Variants in ZBTB7C observed in about 807,000 individuals in gnomAD.
ZBTB7C encodes the protein zinc finger and BTB domain-containing protein 7C.
A neutral mutation model predicts 25.7 loss-of-function variants in ZBTB7C; 8 were observed. That is an observed-to-expected ratio of 0.31 (90% CI 0.18 to 0.56). The LOEUF (loss-of-function observed/expected upper bound fraction) is 0.56, where lower values mean the gene tolerates loss of function less well. Ranked by LOEUF, ZBTB7C falls within the 20% of genes least tolerant of loss-of-function variation. The pLI is 0.91. For synonymous variants in ZBTB7C, 394 were observed against 369.0 expected (o/e 1.07, Z -0.78); for missense variants, 824 against 855.2 (o/e 0.96, Z 0.46).
intron 2 of ZBTB7C, among the ~76,000 whole-genome samples, chr18:48,313,429 T>G (rs2144807139): frequency 6.6e-6 from 1 of 152,290 alleles, no homozygotes; most frequent in African/African-American, 2.4e-5. Context: ...AGATCCGAAT[T>G]GTGGGGGTCA....
chr18:48,174,998 A>G (rs531966888), intron 3 of ZBTB7C, among the ~76,000 whole-genome samples: 1 of 152,350 alleles, frequency 6.6e-6, no homozygotes, highest in African/African-American at 2.4e-5. Context: ...CTTTCTGTAT[A>G]TCTCCAACTA....
chr18:48,247,268 T>C (rs899186005), intron 2 of ZBTB7C, among the ~76,000 whole-genome samples: 3 of 152,188 alleles, frequency 2.0e-5, no homozygotes, highest in Admixed American at 6.5e-5. Context: ...GTCATTGAAA[T>C]CATTCATAAA....
intron 2 of ZBTB7C, among the ~76,000 whole-genome samples, chr18:48,276,568 G>C (rs2044662137): frequency 9.1e-6 from 1 of 110,106 alleles, no homozygotes; most frequent in Non-Finnish European, 1.8e-5. Flanking sequence ...TTTTGTTCTT[G>C]CGATAGTTTA....
intron 2 of ZBTB7C, among the ~76,000 whole-genome samples, chr18:48,323,867 GT>G (rs1215546325): frequency 2.0e-5 from 3 of 152,094 alleles, no homozygotes; most frequent in African/African-American, 7.2e-5. Context: ...TGGTCTGAAT[GT>G]GTGTATACTC....
intron 2 of ZBTB7C, among the ~76,000 whole-genome samples, chr18:48,327,338 C>T (rs2046243144): frequency 6.6e-6 from 1 of 152,158 alleles, no homozygotes; most frequent in Non-Finnish European, 1.5e-5. Context: ...CTGTACTAAG[C>T]GCAGTGTTCA....
intron 2 of ZBTB7C, among the ~76,000 whole-genome samples, chr18:48,309,155 G>A (rs1298486280): frequency 6.6e-6 from 1 of 152,170 alleles, no homozygotes. Flanking sequence ...CGCACTGCTG[G>A]AAAAATACTC....
chr18:48,250,167 G>A (rs906586845), intron 2 of ZBTB7C, among the ~76,000 whole-genome samples: 2 of 152,144 alleles, frequency 1.3e-5, no homozygotes, highest in Non-Finnish European at 2.9e-5. Context: ...CACTGATCCA[G>A]AACCCCCAAC....
chr18:48,128,631 A>T (rs2039884257), intron 3 of ZBTB7C, among the ~76,000 whole-genome samples: 1 of 152,200 alleles, frequency 6.6e-6, no homozygotes, highest in South Asian at 2.1e-4. Context: ...GTATGTTCTC[A>T]CTTGTAACTG....
At chr18:48,347,037 C>A (rs1445375180) in intron 1 of ZBTB7C, among the ~76,000 whole-genome samples, 2 of 151,994 alleles carry the variant, frequency 1.3e-5, no homozygotes, top group Admixed American at 1.3e-4. Flanking sequence ...CAAGCCTCAG[C>A]CTCCCAAAGT....
chr18:48,124,540 C>T (rs1464603536), intron 3 of ZBTB7C, among the ~76,000 whole-genome samples: 1 of 152,194 alleles, frequency 6.6e-6, no homozygotes, highest in Non-Finnish European at 1.5e-5. Context: ...TCTGCATTGC[C>T]CCCTGCTGTT....
chr18:48,376,539 G>T (rs922420345), intron 1 of ZBTB7C, among the ~76,000 whole-genome samples: 1 of 152,222 alleles, frequency 6.6e-6, no homozygotes, highest in African/African-American at 2.4e-5. Flanking sequence ...CTGTCACTCA[G>T]CCGGTGACAT....
intron 1 of ZBTB7C, among the ~76,000 whole-genome samples, chr18:48,357,995 C>T (rs2047015162): frequency 6.6e-6 from 1 of 152,186 alleles, no homozygotes; most frequent in Non-Finnish European, 1.5e-5. Context: ...TGGCTTAGTG[C>T]CATCCCCTTG....
intron 2 of ZBTB7C, among the ~76,000 whole-genome samples, chr18:48,195,089 G>C (rs980558730): frequency 2.8e-4 from 42 of 152,296 alleles, no homozygotes; most frequent in Middle Eastern, 3.4e-3. Context: ...TACTATGGTA[G>C]GGGCCCTCTT....
intron 2 of ZBTB7C, among the ~76,000 whole-genome samples, chr18:48,194,043 C>T (rs895517411): frequency 5.9e-5 from 9 of 152,208 alleles, no homozygotes; most frequent in Non-Finnish European, 1.0e-4. Flanking sequence ...TGACCTTGGC[C>T]TAGAATCTTA....
chr18:48,249,454 T>C (rs1202422551), intron 2 of ZBTB7C, among the ~76,000 whole-genome samples: 2 of 152,088 alleles, frequency 1.3e-5, no homozygotes, highest in African/African-American at 4.8e-5. Flanking sequence ...TGCAGAAACA[T>C]GAAAAATGTT....
chr18:48,122,482 T>C (rs898449143), intron 3 of ZBTB7C, among the ~76,000 whole-genome samples: 3 of 152,182 alleles, frequency 2.0e-5, no homozygotes, highest in Admixed American at 6.5e-5. Context: ...GCAAGCTCCC[T>C]GTATAAGAGG....
At chr18:48,180,214 C>T in intron 3 of ZBTB7C, 4 of 304,296 alleles carry the variant, frequency 1.3e-5, no homozygotes, top group Non-Finnish European at 2.7e-5. Flanking sequence ...TCCTTCCTTC[C>T]TTCCTTCCTT....
intron 2 of ZBTB7C, among the ~76,000 whole-genome samples, chr18:48,334,002 G>A (rs1177832523): frequency 3.9e-5 from 6 of 152,034 alleles, no homozygotes; most frequent in Non-Finnish European, 8.8e-5. Flanking sequence ...CTTCCTCCAC[G>A]CCAGGCCCAG....
chr18:48,363,134 G>A (rs1283322006), intron 1 of ZBTB7C, among the ~76,000 whole-genome samples: 2 of 152,212 alleles, frequency 1.3e-5, no homozygotes, highest in Non-Finnish European at 2.9e-5. Context: ...TGCTTAGAAC[G>A]CACCTGAAAG....
Sources: allele counts gnomAD v4.1 joint callset (sites outside exome capture counted in the v4.1 genomes callset), GRCh38; gene constraint gnomAD v4.1.1; transcripts MANE v1.5; gene names NCBI Gene and HGNC (gene_info 2026-07-23, HGNC 2026-07-21).